XXYLT1: variants seen among roughly 807,000 people sequenced by gnomAD.
XXYLT1 encodes the protein UDP-xylose:alpha-xyloside alpha-1,3-xylosyltransferase.
XXYLT1 carries 20 observed loss-of-function variants against 28.9 expected under a neutral mutation model. That is an observed-to-expected ratio of 0.69 (90% CI 0.49 to 1.00). The LOEUF (loss-of-function observed/expected upper bound fraction) is 1.00. Ranked by LOEUF, XXYLT1 falls within the 50% of genes least tolerant of loss-of-function variation. The probability of loss-of-function intolerance (pLI) is 0.00; values close to 1 mark genes in which losing one functional copy is unlikely to be tolerated. For missense variants in XXYLT1, 542 were observed against 560.1 expected, an observed-to-expected ratio of 0.97 and a Z score of 0.33; for synonymous variants, 257 against 253.8, an observed-to-expected ratio of 1.01 and a Z score of -0.12.
rs140642751 is a variant in XXYLT1 at position 195,123,758 on chromosome 3, C to T, written c.785+32691G>A. ...TCACAGCCAGCCATCTCCTCAGACG[C>T]GGGCACGATAATCACAAAGGGGGGC... On this transcript the variant is annotated intron_variant, in intron 3 of 3. Transcript: ENST00000310380. 6.8e-3 allele frequency among the ~76,000 whole-genome samples: 1,029 copies of T among 152,260 alleles called. 12 individuals carry two copies. Among genetic ancestry groups the T allele is most frequent in the African/African-American group, 0.023 (949 of 41,552 alleles).
chr3:195,245,272 T>C (rs1012819145), intron 1 of XXYLT1, among the ~76,000 whole-genome samples: 5 of 149,554 alleles, frequency 3.3e-5, no homozygotes, highest in Admixed American at 6.6e-5. Flanking sequence ...GCGATTCTCC[T>C]GCCTCAGCCT....
intron 3 of XXYLT1, among the ~76,000 whole-genome samples, chr3:195,143,810 A>ATTTTTTTTTTTTTTTTTTT (rs1433066082): frequency 1.0e-5 from 1 of 95,896 alleles, no homozygotes; most frequent in Non-Finnish European, 2.2e-5. Flanking sequence ...AGATAGATAT[A>ATTTTTTTTTTTTTTTTTTT]TATAGATATA....
chr3:195,156,943 C>G (rs547702606), intron 2 of XXYLT1, among the ~76,000 whole-genome samples: 175 of 152,178 alleles, frequency 1.1e-3, no homozygotes, highest in Non-Finnish European at 1.3e-3. Flanking sequence ...ACCCTGCTTC[C>G]CTACATAAAA....
intron 3 of XXYLT1, among the ~76,000 whole-genome samples, chr3:195,075,577 G>T (rs1715067899): frequency 6.6e-6 from 1 of 152,228 alleles, no homozygotes; most frequent in Non-Finnish European, 1.5e-5. Context: ...AAGCCAGCCT[G>T]CCAGGAGGCG....
rs1415167408 is a variant in XXYLT1 at position 195,076,455 on chromosome 3, G to A, written c.786-6344C>T. Among the ~76,000 whole-genome samples the A allele has an allele frequency of 6.6e-6, 1 of 152,168 alleles. No individual in the cohort carries two copies. The highest frequency in any genetic ancestry group is 1.5e-5 in the Non-Finnish European group (1 of 68,038). ...GAGGGACAGTCGTGACAGGGCACTG[G>A]GGTGGCTACTAGACAAGCCAAGCAT... On this transcript the variant is annotated intron_variant, in intron 3 of 3. Coordinates refer to ENST00000310380, the MANE Select transcript of XXYLT1 (RefSeq NM_152531.5). The surrounding 1 kb of genome is among the most constrained non-coding windows in gnomAD (Gnocchi z 5.3).
At chr3:195,232,465 C>T (rs867709894) in intron 1 of XXYLT1, among the ~76,000 whole-genome samples, 16 of 152,022 alleles carry the variant, frequency 1.1e-4, no homozygotes, top group Middle Eastern at 6.8e-3. Flanking sequence ...AGTTCTAAGA[C>T]GCATCATTAG....
rs1415415286 is a variant in XXYLT1 at position 195,155,721 on chromosome 3, G to A, written c.785+728C>T. Reference sequence around the variant, plus strand: ...CCCCCCTTCTCCTTTCCCATTCTCCGCACCTGCACATGTGCATCCCTAAAG... The same window carrying A: ...CCCCCCTTCTCCTTTCCCATTCTCCACACCTGCACATGTGCATCCCTAAAG... On this transcript the variant is annotated intron_variant, in intron 3 of 3. Coordinates refer to ENST00000310380, the MANE Select transcript of XXYLT1 (RefSeq NM_152531.5). Among the ~76,000 whole-genome samples the A allele has an allele frequency of 1.1e-4, 15 of 138,452 alleles. No homozygotes were observed. In the East Asian group the frequency reaches 2.9e-3, roughly 27 times the overall value. 90.8% of individuals were successfully genotyped at this position (138,452 alleles called of 152,430 possible). A position where few individuals can be genotyped will look rare whatever the true frequency, so the allele number is the denominator to read the frequency against.
At chr3:195,157,666 A>C (rs1720673266) in intron 2 of XXYLT1, among the ~76,000 whole-genome samples, 1 of 152,230 alleles carries the variant, frequency 6.6e-6, no homozygotes, top group African/African-American at 2.4e-5. Context: ...CCTGCCCTCA[A>C]GAGAGACATG....
chr3:195,162,075 T>C (rs1720900047), intron 2 of XXYLT1, among the ~76,000 whole-genome samples: 2 of 148,068 alleles, frequency 1.4e-5, no homozygotes, highest in Non-Finnish European at 3.0e-5. Context: ...GGTGACCGGG[T>C]GACCAAGTGA....
intron 1 of XXYLT1, among the ~76,000 whole-genome samples, chr3:195,252,040 G>A (rs2108841148): frequency 1.3e-5 from 2 of 152,272 alleles, no homozygotes; most frequent in South Asian, 4.2e-4. Flanking sequence ...AAATGACAGG[G>A]CAAGACTTCC....
In XXYLT1 at chr3:195,129,381, G is replaced by A. The variant is rs1004201022; in HGVS notation, c.785+27068C>T. On this transcript the variant is annotated intron_variant, in intron 3 of 3. Transcript: ENST00000310380. This position sits in a 1 kb window ranked among gnomAD's most constrained non-coding sequence, Gnocchi z 4.4. The stretch of plus-strand genomic sequence containing the variant: ...TTTCATCACCTCAAAAAGAAATCTC[G>A]TACCCTTTAGCTATCGCTCCCCCAA... Among the ~76,000 whole-genome samples the A allele has an allele frequency of 6.6e-6, 1 of 152,092 alleles. No homozygotes were observed. Among genetic ancestry groups the A allele is most frequent in the Admixed American group, 6.6e-5 (1 of 15,266 alleles).
intron 3 of XXYLT1, among the ~76,000 whole-genome samples, chr3:195,108,232 A>G (rs186756491): frequency 2.0e-5 from 3 of 152,386 alleles, no homozygotes; most frequent in East Asian, 3.9e-4. Flanking sequence ...ACATAACTGC[A>G]TGTTACAACC....
At chr3:195,174,113 T>C (rs1456803035) in intron 2 of XXYLT1, among the ~76,000 whole-genome samples, 1 of 152,202 alleles carries the variant, frequency 6.6e-6, no homozygotes, top group African/African-American at 2.4e-5. Context: ...CAGCTTCATA[T>C]AAGCCAGCCT....
chr3:195,270,112 C>A (rs1725968176), intron 1 of XXYLT1: 2 of 344,896 alleles, frequency 5.8e-6, no homozygotes, highest in Middle Eastern at 3.9e-4. Flanking sequence ...AGAAGTGTCA[C>A]TGCAACTTCA....
intron 2 of XXYLT1, among the ~76,000 whole-genome samples, chr3:195,179,808 G>A (rs1462587672): frequency 6.6e-6 from 1 of 152,142 alleles, no homozygotes; most frequent in African/African-American, 2.4e-5. Flanking sequence ...AGAGATGTGG[G>A]ACAAATTTAA....
At chr3:195,132,027 C>A (rs181717890) in intron 3 of XXYLT1, among the ~76,000 whole-genome samples, 1 of 152,108 alleles carries the variant, frequency 6.6e-6, no homozygotes, top group Non-Finnish European at 1.5e-5. Context: ...GGGAGCCAGG[C>A]GGGACCTCAC....
At chr3:195,160,588 G>A (rs1254699735) in intron 2 of XXYLT1, among the ~76,000 whole-genome samples, 1 of 152,194 alleles carries the variant, frequency 6.6e-6, no homozygotes, top group Non-Finnish European at 1.5e-5. Flanking sequence ...TCATACTCTG[G>A]TGTTTTTAAA....
At position 195,256,823 on chromosome 3, in the gene XXYLT1, GC is replaced by G. The variant is rs544112150; in HGVS notation, c.504+13731del. Among the ~76,000 whole-genome samples the G allele has an allele frequency of 4.4e-4, 67 of 152,328 alleles. 1 individual carries two copies. The highest frequency in any genetic ancestry group is 3.3e-3 in the South Asian group (16 of 4,832). ...CCACCACACTCCAGCTGAAGTGAGC[GC>G]CCAGGGGCAGGTGCAGGCTGAAGAG... On this transcript the variant is annotated intron_variant, in intron 1 of 3. Transcript: ENST00000310380. This position sits in a 1 kb window ranked among gnomAD's most constrained non-coding sequence, Gnocchi z 4.2.
intron 3 of XXYLT1, among the ~76,000 whole-genome samples, chr3:195,143,208 G>T (rs1177263638): frequency 2.0e-5 from 3 of 152,182 alleles, no homozygotes; most frequent in African/African-American, 7.2e-5. Flanking sequence ...AAGTTGGAGT[G>T]CCCCTAAACA....
Sources: allele counts gnomAD v4.1 joint callset (sites outside exome capture counted in the v4.1 genomes callset), GRCh38; gene constraint gnomAD v4.1.1; non-coding constraint Gnocchi (gnomAD v3.1); transcripts MANE v1.5; gene names NCBI Gene and HGNC (gene_info 2026-07-23, HGNC 2026-07-21).